The following RSBN1 variants were observed in gnomAD, a reference collection of about 807,000 sequenced individuals.
RSBN1 encodes round spermatid basic protein 1.
A neutral mutation model predicts 74.8 loss-of-function variants in RSBN1; 23 were observed. The observed-to-expected ratio is 0.31, with a 90% CI of 0.22 to 0.44. The LOEUF (loss-of-function observed/expected upper bound fraction) is 0.44. Ranked by LOEUF, RSBN1 falls within the 20% of genes least tolerant of loss-of-function variation. RSBN1 has a pLI of 1.00. For missense variants in RSBN1, 808 were observed against 1,020.9 expected, an observed-to-expected ratio of 0.79 and a Z score of 2.84; for synonymous variants, 407 against 379.6, an observed-to-expected ratio of 1.07 and a Z score of -0.84.
In RSBN1 at chr1:113,777,738, A is replaced by G; in HGVS notation, c.1448T>C (p.Val483Ala). 1 of 1,611,898 alleles carries G rather than the reference A, an allele frequency of 6.2e-7. No homozygotes were observed. Among genetic ancestry groups the G allele is most frequent in the Non-Finnish European group, 8.5e-7 (1 of 1,178,438 alleles). ...PMRQISLVGA[V>A]DEEVGDYFPE... ...GAAATAATCACCAACTTCTTCATCT[A>G]CTGCTCCAACGAGACTTATCTGCCG... The change falls in exon 3 of 7, where the codon GTA (valine) becomes GCA (alanine). Residue 483 changes from valine (V) to alanine (A), a missense_variant. Coordinates refer to ENST00000261441, the MANE Select transcript of RSBN1 (RefSeq NM_018364.5).
In RSBN1 at chr1:113,765,393, T is replaced by C. The variant is rs1659760151; in HGVS notation, c.*587A>G. 6.6e-6 allele frequency: 1 copy of C among 152,396 alleles called. No homozygotes were observed. The highest frequency in any genetic ancestry group is 1.5e-5 in the Non-Finnish European group (1 of 68,074). 9.4% of individuals were successfully genotyped at this position (152,396 alleles called of 1,614,324 possible). A position where few individuals can be genotyped will look rare whatever the true frequency, so the allele number is the denominator to read the frequency against. On this transcript the variant is annotated 3_prime_UTR_variant, in exon 7 of 7. Coordinates refer to ENST00000261441, the MANE Select transcript of RSBN1 (RefSeq NM_018364.5). The stretch of plus-strand genomic sequence containing the variant: ...AGATACAAAAAAAAGACAGTTTGGA[T>C]CAGAAAGTGCTGTGCTTTCTCTTTT...
intron 2 of RSBN1, among the ~76,000 whole-genome samples, chr1:113,787,672 T>C (rs1387873753): frequency 6.6e-6 from 1 of 152,216 alleles, no homozygotes; most frequent in Non-Finnish European, 1.5e-5. Context: ...TATTTAACAA[T>C]GCAATCGCCT....
chr1:113,812,285 C>A lies in RSBN1; in HGVS notation c.128G>T (p.Cys43Phe). The change falls in exon 1 of 7, where the codon TGT becomes TTT. Residue 43 changes from cysteine to phenylalanine, a missense_variant. Physicochemically the swap from Cys to Phe is radical, Grantham distance 205. Transcript: ENST00000261441. ...CGCAGCCATTTCACCCACAAACACA[C>A]ATTTAAATGGCCCGACCGCCCCCCC... is the stretch of plus-strand genomic sequence containing the variant. ...ADGGAVGPFK[C>F]VFVGEMAAQV... 1.2e-6 allele frequency: 2 copies of A among 1,605,172 alleles called. No homozygotes were observed. Among genetic ancestry groups the A allele is most frequent in the Non-Finnish European group, 1.7e-6 (2 of 1,179,840 alleles).
intron 6 of RSBN1, 60 bp from the exon 7 acceptor site, chr1:113,766,513 A>G: frequency 9.0e-7 from 1 of 1,110,024 alleles, no homozygotes; most frequent in East Asian, 2.4e-5. Flanking sequence ...GTCAAGTGAA[A>G]TAATTAGCAA....
intron 2 of RSBN1, among the ~76,000 whole-genome samples, chr1:113,791,534 C>T (rs1032781212): frequency 6.6e-6 from 1 of 152,058 alleles, no homozygotes; most frequent in Admixed American, 6.6e-5. Context: ...TGGATTATTC[C>T]ACAGAACTCA....
chr1:113,798,325 A>C (rs1043423804), intron 1 of RSBN1, among the ~76,000 whole-genome samples: 4 of 152,210 alleles, frequency 2.6e-5, no homozygotes, highest in Non-Finnish European at 4.4e-5. Flanking sequence ...GGTTAAATAA[A>C]TCATGATATA....
chr1:113,804,273 T>C (rs755884143), intron 1 of RSBN1, among the ~76,000 whole-genome samples: 3 of 152,210 alleles, frequency 2.0e-5, no homozygotes, highest in Non-Finnish European at 2.9e-5. Flanking sequence ...AAGAAAGATC[T>C]CTGAAAGAGG....
At chr1:113,777,608 T>A in intron 3 of RSBN1, 63 bp downstream of exon 3, 1 of 1,467,420 alleles carries the variant, frequency 6.8e-7, no homozygotes, top group Non-Finnish European at 9.3e-7. Flanking sequence ...TAAATACTCT[T>A]CAACATATAA....
chr1:113,811,282 A>G (rs542167810), intron 1 of RSBN1, among the ~76,000 whole-genome samples: 1 of 152,288 alleles, frequency 6.6e-6, no homozygotes, highest in Admixed American at 6.5e-5. Flanking sequence ...TTCCCTCCTG[A>G]AAGACTGGAA....
chr1:113,785,271 A>C (rs1472569834), intron 2 of RSBN1, among the ~76,000 whole-genome samples: 4 of 152,216 alleles, frequency 2.6e-5, no homozygotes, highest in Non-Finnish European at 4.4e-5. Context: ...CTTCAGGGGC[A>C]ATAACACTCA....
At chr1:113,802,942 T>C (rs984056940) in intron 1 of RSBN1, among the ~76,000 whole-genome samples, 8 of 152,128 alleles carry the variant, frequency 5.3e-5, no homozygotes, top group South Asian at 2.1e-4. Flanking sequence ...GTATCCACCA[T>C]TAATTAAGTT....
rs1418908410 is a variant in RSBN1 at position 113,812,029 on chromosome 1, C to T, written c.384G>A (p.Thr128=). The T allele has an allele frequency of 1.3e-6, 2 of 1,533,476 alleles. No individual in the cohort carries two copies. Among genetic ancestry groups the T allele is most frequent in the South Asian group, 1.2e-5 (1 of 82,078 alleles). The allele number at this position is 1,533,476 out of a possible 1,614,324, so 95.0% of individuals were successfully genotyped here. A position where few individuals can be genotyped will look rare whatever the true frequency, so the allele number is the denominator to read the frequency against. The change falls in exon 1 of 7, where the codon ACG becomes ACA. Residue 128 remains threonine (T), a synonymous_variant. Transcript: ENST00000261441. ...SRQHPGPLPP[T]NAAPTVPGPV... The stretch of plus-strand genomic sequence containing the variant: ...GGCCTGGGACAGTTGGGGCTGCATT[C>T]GTTGGCGGCAGCGGCCCAGGATGTT...
rs533547691 is a variant in RSBN1 at position 113,764,615 on chromosome 1, ATT to A, written c.*1363_*1364del. 171 of 133,080 alleles carry A rather than the reference ATT, an allele frequency of 1.3e-3. 1 individual carries two copies. Among genetic ancestry groups the A allele is most frequent in the African/African-American group, 3.9e-3 (142 of 36,608 alleles). 8.2% of individuals were successfully genotyped at this position (133,080 alleles called of 1,614,324 possible). A position where few individuals can be genotyped will look rare whatever the true frequency, so the allele number is the denominator to read the frequency against. Reference sequence around the variant, plus strand: ...CAGACATAATAAAGCAGCATCTTGTATTTTTTTTTTTTTTTGCCTATGTTAAT... The same window carrying A: ...CAGACATAATAAAGCAGCATCTTGTATTTTTTTTTTTTTGCCTATGTTAAT... On this transcript the variant is annotated 3_prime_UTR_variant, in exon 7 of 7. Coordinates refer to ENST00000261441, the MANE Select transcript of RSBN1 (RefSeq NM_018364.5).
chr1:113,777,189 T>G, intron 4 of RSBN1, 21 bp downstream of exon 4: 1 of 1,597,116 alleles, frequency 6.3e-7, no homozygotes, highest in Non-Finnish European at 8.5e-7. Flanking sequence ...TTTTGCTTAT[T>G]TGAGAAAAAG....
chr1:113,803,770 G>C (rs1244738743), intron 1 of RSBN1, among the ~76,000 whole-genome samples: 1 of 151,860 alleles, frequency 6.6e-6, no homozygotes, highest in African/African-American at 2.4e-5. Flanking sequence ...CTCTGGGTAA[G>C]CTCATAAATC....
chr1:113,805,210 A>G (rs1660678266), intron 1 of RSBN1, among the ~76,000 whole-genome samples: 1 of 151,700 alleles, frequency 6.6e-6, no homozygotes, highest in African/African-American at 2.4e-5. Context: ...TCCGCCTTCC[A>G]GGTTCAAGTG....
chr1:113,809,548 G>C lies in RSBN1; in HGVS notation c.703+2162C>G, dbSNP rs150168041. Among the ~76,000 whole-genome samples the C allele has an allele frequency of 2.3e-3, 346 of 152,326 alleles. 3 individuals carry two copies. The highest frequency in any genetic ancestry group is 8.0e-3 in the African/African-American group (332 of 41,568). ...GGTTTTCAAAACTTTTAAAATGCCA[G>C]TTTGCCAATTCATGTTACATATGTA... On this transcript the variant is annotated intron_variant, in intron 1 of 6. Coordinates refer to ENST00000261441, the MANE Select transcript of RSBN1 (RefSeq NM_018364.5).
At chr1:113,778,289 T>A (rs1660070337) in intron 2 of RSBN1, among the ~76,000 whole-genome samples, 1 of 133,744 alleles carries the variant, frequency 7.5e-6, no homozygotes, top group African/African-American at 2.8e-5. Context: ...CAGGCCAATC[T>A]TTTTTTTTTT....
At position 113,791,546 on chromosome 1, in the gene RSBN1, G is replaced by A. The variant is rs570544560; in HGVS notation, c.1377+5817C>T. On this transcript the variant is annotated intron_variant, in intron 2 of 6. Coordinates refer to ENST00000261441, the MANE Select transcript of RSBN1 (RefSeq NM_018364.5). ...GTGTGGATTATTCCACAGAACTCAC[G>A]TTTCAGGAAGAAGCCTATTCAAGCT... 7.2e-5 allele frequency among the ~76,000 whole-genome samples: 11 copies of A among 152,264 alleles called. No homozygotes were observed. In the South Asian group the frequency reaches 1.7e-3, roughly 23 times the overall value.
Sources: gnomAD v4.1 joint callset for allele counts (sites outside exome capture counted in the v4.1 genomes callset) on GRCh38, gnomAD v4.1.1 for gene constraint, MANE v1.5 for transcripts, NCBI Gene and HGNC (gene_info 2026-07-23, HGNC 2026-07-21) for gene names.